PRKDC: variants seen among roughly 807,000 people sequenced by gnomAD.
PRKDC encodes DNA-dependent protein kinase catalytic subunit.
Under a neutral mutation model 486.9 loss-of-function variants are expected in PRKDC, and 82 were observed. The ratio of observed to expected loss-of-function variants is 0.17; its 90% CI spans 0.14 to 0.20. The LOEUF is 0.20. PRKDC is among the 10% of genes least tolerant of loss of function. The pLI, the probability that PRKDC is intolerant of heterozygous loss-of-function variation, is 1.00. For missense variants in PRKDC, 4,504 were observed against 5,038.2 expected, an observed-to-expected ratio of 0.89 and a Z score of 3.21; for synonymous variants, 1,895 against 1,837.0, an observed-to-expected ratio of 1.03 and a Z score of -0.81.
rs779113418 is a variant in PRKDC, at chr8:47,855,387, G to A, written c.6610-14C>T. ...TTTAGGGACCCCCTGAAAAGGTACA[G>A]AAATTCTGTATTAATATGCGGCATT... On this transcript the variant is annotated splice_polypyrimidine_tract_variant and intron_variant, in intron 49 of 85. Transcript: ENST00000314191. 1.4e-5 allele frequency: 22 copies of A among 1,577,930 alleles called. No individual in the cohort carries two copies. The highest frequency in any genetic ancestry group is 1.8e-5 in the Non-Finnish European group (21 of 1,162,666).
Position 47,897,208 on chromosome 8 carries a change from C to T in PRKDC, c.3551G>A (p.Arg1184Gln), listed in dbSNP as rs772338039. ...AHCGRPQTEC[R>Q]HKSIELFYKF... The stretch of plus-strand genomic sequence containing the variant: ...ATAAAAGAGTTCAATGGATTTGTGT[C>T]GACATTCTGTCTGGGGCCTCCCACA... The change falls in exon 30 of 86, where the codon CGA becomes CAA. Residue 1184 changes from arginine (R) to glutamine (Q), a missense_variant. Physicochemically the swap from Arg to Gln is conservative, Grantham distance 43. Around this residue, in one of 6 missense-constraint regions of PRKDC, gnomAD observed 1,969 missense variants for 2,068.9 expected, o/e 0.95. Transcript: ENST00000314191. 9.3e-6 allele frequency: 15 copies of T among 1,607,448 alleles called. No homozygotes were observed. Among genetic ancestry groups the T allele is most frequent in the Non-Finnish European group, 1.2e-5 (14 of 1,174,886 alleles).
At chr8:47,933,395 G>A (rs2090291064) in intron 15 of PRKDC, among the ~76,000 whole-genome samples, 2 of 152,164 alleles carry the variant, frequency 1.3e-5, no homozygotes, top group Non-Finnish European at 1.5e-5. Context: ...ATCCAGTCAT[G>A]TAACAAATAC....
intron 12 of PRKDC, 146 bp downstream of exon 12, chr8:47,936,207 A>G: frequency 2.1e-6 from 2 of 936,826 alleles, no homozygotes; most frequent in Non-Finnish European, 3.0e-6. Flanking sequence ...GTTTCATGAC[A>G]ATAATTCTAT....
In PRKDC at chr8:47,889,064, T is replaced by C. The variant is rs2154501797; in HGVS notation, c.4230A>G (p.Pro1410=). ...VNLMKALKMS[P]YKDILETHLR... is the part of the protein sequence containing the mutation. ...GATGGGTCTCTAGGATATCTTTGTA[T>C]GGGGACATCTTTAGAGCTTTCATCA... The change falls in exon 33 of 86, where the codon CCA becomes CCG. Residue 1410 remains proline (P), a synonymous_variant. Coordinates refer to ENST00000314191, the MANE Select transcript of PRKDC (RefSeq NM_006904.7). 6.2e-7 allele frequency: 1 copy of C among 1,613,972 alleles called. No homozygotes were observed. The highest frequency in any genetic ancestry group is 8.5e-7 in the Non-Finnish European group (1 of 1,179,892).
At chr8:47,861,085 A>G (rs1025026922) in intron 44 of PRKDC, 114 bp from the exon 45 acceptor site, 1 of 767,874 alleles carries the variant, frequency 1.3e-6, no homozygotes, top group Admixed American at 3.3e-5. Context: ...ACAAAACAAA[A>G]CAAATTTAAA....
intron 61 of PRKDC, 76 bp downstream of exon 61, chr8:47,830,529 T>C: frequency 6.4e-7 from 1 of 1,563,456 alleles, no homozygotes; most frequent in Non-Finnish European, 8.7e-7. Context: ...TCAGCCATGT[T>C]TCCTCACATA....
At chr8:47,876,016 T>A (rs1248180912) in intron 40 of PRKDC, among the ~76,000 whole-genome samples, 1 of 152,200 alleles carries the variant, frequency 6.6e-6, no homozygotes, top group Admixed American at 6.5e-5. Flanking sequence ...AGATCACATA[T>A]TGTATGATTC....
At chr8:47,853,120 C>A (rs1336772336) in intron 51 of PRKDC, among the ~76,000 whole-genome samples, 2 of 152,230 alleles carry the variant, frequency 1.3e-5, no homozygotes, top group African/African-American at 2.4e-5. Context: ...TCAAAACCCA[C>A]CTACTATAGC....
chr8:47,951,905 C>T (rs35631854), intron 7 of PRKDC, among the ~76,000 whole-genome samples: 298 of 152,196 alleles, frequency 2.0e-3, no homozygotes, highest in South Asian at 3.1e-3. Context: ...ATCAAAACCA[C>T]GAGATATCCC....
chr8:47,891,508 C>T (rs2089455849), intron 31 of PRKDC, among the ~76,000 whole-genome samples: 1 of 152,086 alleles, frequency 6.6e-6, no homozygotes, highest in Non-Finnish European at 1.5e-5. Flanking sequence ...ATCACGAGGT[C>T]AGGAGATCGA....
chr8:47,795,474 C>A lies in PRKDC; in HGVS notation c.10459-973G>T, dbSNP rs1181933544. Reference sequence around the variant, plus strand: ...AAAGGGCTGGGATTACAGGCGTGAGCCACCGCACCCGGCCTTTTTTTTTTT... The same window carrying A: ...AAAGGGCTGGGATTACAGGCGTGAGACACCGCACCCGGCCTTTTTTTTTTT... On this transcript the variant is annotated intron_variant, in intron 73 of 85. Transcript: ENST00000314191. Among the ~76,000 whole-genome samples the A allele has an allele frequency of 2.0e-5, 3 of 151,156 alleles. No homozygotes were observed. In the South Asian group the frequency reaches 6.3e-4, roughly 32 times the overall value.
In PRKDC at chr8:47,798,261, C is replaced by G; in HGVS notation, c.10434G>C (p.Glu3478Asp). 1 of 1,613,414 alleles carries G rather than the reference C, an allele frequency of 6.2e-7. No individual in the cohort carries two copies. The highest frequency in any genetic ancestry group is 8.5e-7 in the Non-Finnish European group (1 of 1,179,734). ...LLQIIERYPE[E>D]TLSLMTKEIS... ...CCTCTTTTGTCATGAGGCTCAAAGTCTCCTCTGGATACCGTTCTATAATCT... is the reference window on the plus strand; with the variant it reads ...CCTCTTTTGTCATGAGGCTCAAAGTGTCCTCTGGATACCGTTCTATAATCT... The change falls in exon 73 of 86, where the codon GAG becomes GAC. Residue 3478 changes from glutamate to aspartate, a missense_variant. Glu to Asp is a conservative substitution (Grantham distance 45, BLOSUM62 2). Around this residue, in one of 6 missense-constraint regions of PRKDC, gnomAD observed 706 missense variants for 945.0 expected, o/e 0.75. Coordinates refer to ENST00000314191, the MANE Select transcript of PRKDC (RefSeq NM_006904.7).
chr8:47,839,816 TAAAC>T (rs2088103481), intron 55 of PRKDC, among the ~76,000 whole-genome samples, 196 bp downstream of exon 55: 1 of 151,942 alleles, frequency 6.6e-6, no homozygotes, highest in Non-Finnish European at 1.5e-5. Context: ...CCACAAAAAA[TAAAC>T]AAAATTAGCC....
At chr8:47,927,417 C>A in intron 20 of PRKDC, 64 bp from the exon 21 acceptor site, 1 of 1,502,162 alleles carries the variant, frequency 6.7e-7, no homozygotes, top group Non-Finnish European at 9.0e-7. Flanking sequence ...AGGAAAAAAA[C>A]ACCAAGTAAT....
rs148010665 is a variant in PRKDC, at chr8:47,908,259, G to A, written c.2935-3283C>T. Among the ~76,000 whole-genome samples the A allele has an allele frequency of 4.0e-3, 604 of 152,246 alleles. 4 individuals carry two copies. The highest frequency in any genetic ancestry group is 0.025 in the South Asian group (120 of 4,824). On this transcript the variant is annotated intron_variant, in intron 25 of 85. Transcript: ENST00000314191. ...ATTTGAAGTTCCTTGTTTACAAAAC[G>A]GTTGACTATTTTAAGATACATTCCA...
intron 49 of PRKDC, among the ~76,000 whole-genome samples, chr8:47,855,574 G>T (rs1277847739): frequency 1.3e-5 from 2 of 152,228 alleles, no homozygotes; most frequent in Non-Finnish European, 2.9e-5. Flanking sequence ...TGCAATCTCA[G>T]AGTTGCCGTC....
intron 21 of PRKDC, among the ~76,000 whole-genome samples, chr8:47,922,941 G>A (rs1168917658): frequency 6.6e-6 from 1 of 152,108 alleles, no homozygotes; most frequent in Non-Finnish European, 1.5e-5. Context: ...CTCGGAAAGC[G>A]ACTATCTGAG....
rs754362388 is a variant in PRKDC, at chr8:47,915,333, A to C, written c.2612T>G (p.Leu871Arg). Residue 871 changes from leucine to arginine, a missense_variant, in exon 23 of 86, where the codon CTG becomes CGG. This residue lies in a region of PRKDC where 1,969 missense variants were observed against 2,068.9 expected (regional missense o/e 0.95). Transcript: ENST00000314191. ...TTATTTTAAAAGAAGTTTACCTGTC[A>C]GAAGATTTTTGTTTATTTGTCCTCC... is the stretch of plus-strand genomic sequence containing the variant. The part of the protein sequence containing the change: ...SLGGQINKNL[L>R]TVTSSDEMMK... 1 of 1,524,022 alleles carries C rather than the reference A, an allele frequency of 6.6e-7. No homozygotes were observed. Among genetic ancestry groups the C allele is most frequent in the Non-Finnish European group, 8.9e-7 (1 of 1,120,414 alleles). The allele number at this position is 1,524,022 out of a possible 1,614,324, so 94.4% of individuals were successfully genotyped here.
At chr8:47,827,368 T>C (rs939825495) in intron 62 of PRKDC, among the ~76,000 whole-genome samples, 9 of 152,208 alleles carry the variant, frequency 5.9e-5, no homozygotes, top group Non-Finnish European at 1.3e-4. Context: ...GGTCACTAGA[T>C]ACAAAAATAC....
Sources: allele counts gnomAD v4.1 joint callset (sites outside exome capture counted in the v4.1 genomes callset), GRCh38; gene constraint gnomAD v4.1.1; regional missense constraint gnomAD v4.1.1; transcripts MANE v1.5; gene names NCBI Gene and HGNC (gene_info 2026-07-23, HGNC 2026-07-21).